Variants in CRHBP observed in about 807,000 individuals in gnomAD.
CRHBP encodes corticotropin-releasing hormone-binding protein.
In CRHBP, 19 loss-of-function variants were observed where a neutral mutation model predicts 34.9. The observed-to-expected ratio is 0.55, with a 90% CI of 0.38 to 0.80. The LOEUF is 0.80. Among genes scored for constraint, CRHBP ranks in the 30% least tolerant of loss-of-function variants. CRHBP has a pLI of 0.00. For missense variants in CRHBP, 328 were observed against 409.2 expected (o/e 0.80, Z 1.71); for synonymous variants, 154 against 153.4 (o/e 1.00, Z -0.03).
At chr5:76,971,770 A>G (rs927349749), downstream of CRHBP, among the ~76,000 whole-genome samples, 1 of 152,196 alleles carries the variant, frequency 6.6e-6, no homozygotes, top group African/African-American at 2.4e-5. Flanking sequence ...ATTGTCTCAT[A>G]AATTGTCTGG....
downstream of CRHBP, among the ~76,000 whole-genome samples, chr5:76,972,730 T>G (rs1170704524): frequency 6.6e-6 from 1 of 152,198 alleles, no homozygotes; most frequent in Non-Finnish European, 1.5e-5. Flanking sequence ...GATACTGGAC[T>G]TTCTCCTAGT....
At chr5:76,965,460 G>C (rs1745847265) in intron 6 of CRHBP, among the ~76,000 whole-genome samples, 1 of 152,190 alleles carries the variant, frequency 6.6e-6, no homozygotes, top group African/African-American at 2.4e-5. Flanking sequence ...TTGAGCCATG[G>C]TTTAAACTGT....
chr5:76,977,422 G>A (rs1388823729), intron 3 of CRHBP, among the ~76,000 whole-genome samples: 1 of 152,124 alleles, frequency 6.6e-6, no homozygotes, highest in Non-Finnish European at 1.5e-5. Context: ...TCATGTGTCT[G>A]TGTCACATTT....
intron 4 of CRHBP, among the ~76,000 whole-genome samples, chr5:76,956,640 C>T (rs1027705282): frequency 5.3e-5 from 8 of 151,754 alleles, no homozygotes; most frequent in Admixed American, 1.3e-4. Context: ...GAGAGAATGG[C>T]GTGAACCTGG....
Position 76,980,738 on chromosome 5 carries a change from A to T in CRHBP, n.468-223A>T, listed in dbSNP as rs189821506. ...CCAATCAGCTGAAGGCCTTATATGGAAAAAGACGGAGTTTCCCCAAGGGAA... is the reference window on the plus strand; with the variant it reads ...CCAATCAGCTGAAGGCCTTATATGGTAAAAGACGGAGTTTCCCCAAGGGAA... On this transcript the variant is annotated intron_variant and non_coding_transcript_variant, in intron 3 of 3. Transcript: ENST00000514258. 3.3e-3 allele frequency among the ~76,000 whole-genome samples: 501 copies of T among 152,328 alleles called. 1 individual carries two copies. Among genetic ancestry groups the T allele is most frequent in the Non-Finnish European group, 3.6e-3 (245 of 68,036 alleles).
At chr5:76,968,122 A>G (rs1315770940) in intron 6 of CRHBP, among the ~76,000 whole-genome samples, 1 of 152,174 alleles carries the variant, frequency 6.6e-6, no homozygotes, top group Non-Finnish European at 1.5e-5. Flanking sequence ...GTGTATGTCT[A>G]TACGATGCAA....
intron 4 of CRHBP, 170 bp from the exon 5 acceptor site, chr5:76,958,571 T>C: frequency 4.7e-6 from 3 of 637,234 alleles, no homozygotes; most frequent in Non-Finnish European, 2.5e-6. Flanking sequence ...TGGTTTTTGT[T>C]CCCCAAATCC....
chr5:76,974,264 G>A (rs997294060), downstream of CRHBP, among the ~76,000 whole-genome samples: 7 of 151,928 alleles, frequency 4.6e-5, no homozygotes, highest in African/African-American at 7.3e-5. Context: ...TGATCCACCC[G>A]CCTCAGCCTC....
In CRHBP at chr5:76,979,428, G is replaced by A. The variant is rs371276364; in HGVS notation, n.468-1533G>A. 1.1e-4 allele frequency among the ~76,000 whole-genome samples: 16 copies of A among 152,236 alleles called. No individual in the cohort carries two copies. In the East Asian group the frequency reaches 2.9e-3, roughly 28 times the overall value. ...TGCAGTGGTGTGTTCTCGGCTCATT[G>A]CAACCTCCGCCTCCTGGGTTCAAGC... On this transcript the variant is annotated intron_variant and non_coding_transcript_variant, in intron 3 of 3. Coordinates refer to the CRHBP transcript ENST00000514258.
exon 3 of CRHBP, chr5:76,976,500 C>G (rs1293936079): frequency 2.0e-5 from 3 of 152,282 alleles, no homozygotes; most frequent in African/African-American, 7.2e-5. Flanking sequence ...AGAACCCAGA[C>G]TTCAGGAACC....
At chr5:76,975,825 A>AAAAAATAT in intron 2 of CRHBP, among the ~76,000 whole-genome samples, 16 of 61,852 alleles carry the variant, frequency 2.6e-4, no homozygotes, top group African/African-American at 6.4e-4. Context: ...AAAAAAAAAA[A>AAAAAATAT]ATATATATAT....
At chr5:76,979,146 TTTTC>T (rs1225058675) in intron 3 of CRHBP, among the ~76,000 whole-genome samples, 2 of 152,190 alleles carry the variant, frequency 1.3e-5, no homozygotes, top group Non-Finnish European at 2.9e-5. Flanking sequence ...AGTATTTTTC[TTTTC>T]TTTCTTTTTC....
downstream of CRHBP, among the ~76,000 whole-genome samples, chr5:76,972,129 G>C (rs1745956314): frequency 6.6e-6 from 1 of 151,842 alleles, no homozygotes; most frequent in South Asian, 2.1e-4. Flanking sequence ...AACTTCCTGG[G>C]GTCAAGTGAT....
downstream of CRHBP, among the ~76,000 whole-genome samples, chr5:76,970,793 A>G (rs1745933716): frequency 6.6e-6 from 1 of 152,162 alleles, no homozygotes; most frequent in African/African-American, 2.4e-5. Context: ...AAGTTAGGAA[A>G]CTTCTTTTAT....
At chr5:76,954,221 G>A in intron 3 of CRHBP, 35 bp downstream of exon 3, 1 of 1,602,668 alleles carries the variant, frequency 6.2e-7, no homozygotes, top group African/African-American at 1.3e-5. Context: ...CTAGCCGGAG[G>A]GCGGCACGGG....
intron 4 of CRHBP, among the ~76,000 whole-genome samples, chr5:76,956,613 T>TAGTCCC: frequency 6.6e-6 from 1 of 152,106 alleles, no homozygotes; most frequent in East Asian, 1.9e-4. Flanking sequence ...TGGGCGCCTG[T>TAGTCCC]AGTCCCAGCT....
chr5:76,977,710 A>G (rs145018791), intron 3 of CRHBP, among the ~76,000 whole-genome samples: 6 of 152,316 alleles, frequency 3.9e-5, no homozygotes, highest in Non-Finnish European at 5.9e-5. Context: ...TAATTCTACA[A>G]TGACCTCTAA....
intron 5 of CRHBP, among the ~76,000 whole-genome samples, chr5:76,961,198 A>G (rs1158817740): frequency 6.6e-6 from 1 of 152,230 alleles, no homozygotes; most frequent in African/African-American, 2.4e-5. Flanking sequence ...AGTTTCTGCC[A>G]TTGTAAGAAA....
At chr5:76,953,908 G>A (rs1745619708) in intron 2 of CRHBP, 121 bp from the exon 3 acceptor site, 4 of 1,305,098 alleles carry the variant, frequency 3.1e-6, no homozygotes, top group South Asian at 1.5e-5. Context: ...AGCCTAGGCT[G>A]GAAGTCGGGG....
Sources: gnomAD v4.1 joint callset for allele counts (sites outside exome capture counted in the v4.1 genomes callset) on GRCh38, gnomAD v4.1.1 for gene constraint, MANE v1.5 for transcripts, NCBI Gene and HGNC (gene_info 2026-07-23, HGNC 2026-07-21) for gene names.